Variants in IL1RAPL2 observed in about 807,000 individuals in gnomAD.
The protein encoded by IL1RAPL2 is X-linked interleukin-1 receptor accessory protein-like 2.
Under a neutral mutation model 44.1 loss-of-function variants are expected in IL1RAPL2, and 3 were observed. That is an observed-to-expected ratio of 0.07 (90% CI 0.03 to 0.18). The LOEUF (loss-of-function observed/expected upper bound fraction) is 0.18, where lower values mean the gene tolerates loss of function less well. Ranked by LOEUF, IL1RAPL2 falls within the 10% of genes least tolerant of loss-of-function variation. The probability of loss-of-function intolerance (pLI) is 1.00; values close to 1 mark genes in which losing one functional copy is unlikely to be tolerated. For missense variants in IL1RAPL2, 391 were observed against 496.4 expected (o/e 0.79, Z 2.02); for synonymous variants, 181 against 178.8 (o/e 1.01, Z -0.10).
At position 104,664,065 on chromosome X, in the gene IL1RAPL2, T is replaced by A. The variant is rs1247645787; in HGVS notation, c.82+5070T>A. Reference sequence around the variant, plus strand: ...ATAATGGTTTTAGGGTTAGGGAGGGTGGAGTGTAGGTCCTGTTCTCTGGAA... The same window carrying A: ...ATAATGGTTTTAGGGTTAGGGAGGGAGGAGTGTAGGTCCTGTTCTCTGGAA... On this transcript the variant is annotated intron_variant, in intron 2 of 10. Transcript: ENST00000372582. Among the ~76,000 whole-genome samples the A allele has an allele frequency of 1.2e-4, 13 of 110,445 alleles. No homozygotes were observed. The Admixed American group carries it at 1.3e-3, about 11-fold the overall frequency.
intron 2 of IL1RAPL2, among the ~76,000 whole-genome samples, chrX:104,765,143 T>G (rs915916955): frequency 4.5e-5 from 5 of 112,023 alleles, no homozygotes; most frequent in Non-Finnish European, 9.4e-5. Flanking sequence ...CTTTAAATGT[T>G]TGATAGAATT....
In IL1RAPL2 at chrX:105,435,895, T is replaced by C. The variant is rs1602411109; in HGVS notation, c.698-48418T>C. On this transcript the variant is annotated intron_variant, in intron 5 of 10. Transcript: ENST00000372582. ...CAACACATACCGGGGCCTGTCAGAG[T>C]GGGGGCAAGGGCAGAGAGAGCATCA... Among the ~76,000 whole-genome samples, 3 of 109,453 alleles carry C rather than the reference T, an allele frequency of 2.7e-5. No individual in the cohort carries two copies. In the Admixed American group the frequency reaches 2.9e-4, roughly 11 times the overall value.
intron 1 of IL1RAPL2, among the ~76,000 whole-genome samples, chrX:104,602,033 A>T (rs1928893216): frequency 8.9e-6 from 1 of 112,082 alleles, no homozygotes; most frequent in Non-Finnish European, 1.9e-5. Flanking sequence ...TGTGGTAGGG[A>T]TTTCCTGGCA....
intron 2 of IL1RAPL2, among the ~76,000 whole-genome samples, chrX:105,032,514 C>A (rs140476268): frequency 0.015 from 1,639 of 111,618 alleles, 27 homozygotes; most frequent in African/African-American, 0.05. Context: ...AGGTTGTTCA[C>A]TTTCCATGTA....
intron 1 of IL1RAPL2, among the ~76,000 whole-genome samples, chrX:104,643,931 C>T (rs975693636): frequency 9.0e-6 from 1 of 111,208 alleles, no homozygotes. Flanking sequence ...GAGGTTGGTC[C>T]ACTTCTTAAA....
chrX:105,001,601 C>T (rs1339286924), intron 2 of IL1RAPL2, among the ~76,000 whole-genome samples: 2 of 111,537 alleles, frequency 1.8e-5, no homozygotes, highest in Admixed American at 1.9e-4. Context: ...GAAGATGAAA[C>T]AGTTAAAGCT....
intron 2 of IL1RAPL2, among the ~76,000 whole-genome samples, chrX:104,855,698 T>A (rs556386515): frequency 2.0e-5 from 2 of 100,077 alleles, no homozygotes; most frequent in Admixed American, 1.1e-4. Context: ...TTTTTTTTTT[T>A]ACTGTATCTC....
chrX:104,633,429 C>T (rs2148012817), intron 1 of IL1RAPL2, among the ~76,000 whole-genome samples: 2 of 111,752 alleles, frequency 1.8e-5, no homozygotes, highest in South Asian at 7.5e-4. Context: ...CCAGCTCCTC[C>T]TTGTCCCTCT....
intron 6 of IL1RAPL2, among the ~76,000 whole-genome samples, chrX:105,684,478 G>A (rs1378809360): frequency 8.9e-6 from 1 of 112,594 alleles, no homozygotes; most frequent in Admixed American, 9.4e-5. Context: ...CTGGCTCGGG[G>A]AGGGGCGTCT....
At chrX:105,191,622 A>G (rs782553292) in intron 2 of IL1RAPL2, among the ~76,000 whole-genome samples, 3 of 112,320 alleles carry the variant, frequency 2.7e-5, no homozygotes, top group Admixed American at 9.5e-5. Flanking sequence ...AAAACCTGCA[A>G]TTGTTCTTTT....
At chrX:105,675,087 T>C (rs968633893) in intron 6 of IL1RAPL2, among the ~76,000 whole-genome samples, 1 of 110,833 alleles carries the variant, frequency 9.0e-6, no homozygotes, top group Non-Finnish European at 1.9e-5. Flanking sequence ...TTTCTAGATA[T>C]AGGATCATGT....
intron 1 of IL1RAPL2, among the ~76,000 whole-genome samples, chrX:104,631,736 T>C (rs1324276115): frequency 1.8e-5 from 2 of 112,096 alleles, no homozygotes; most frequent in Non-Finnish European, 3.8e-5. Flanking sequence ...ATTCTGGATA[T>C]TCTGACCCTT....
At chrX:104,983,255 A>G (rs768956190) in intron 2 of IL1RAPL2, among the ~76,000 whole-genome samples, 64 of 107,582 alleles carry the variant, frequency 5.9e-4, no homozygotes, top group East Asian at 8.6e-4. Flanking sequence ...TGAGTGGTCA[A>G]TGTCATAACA....
Position 104,777,071 on chromosome X carries a change from T to C in IL1RAPL2, c.82+118076T>C, listed in dbSNP as rs750682214. ...AATACACATAACATAAAATGTACCA[T>C]CTTAACTGTTTTTAAGGATACAGTT... On this transcript the variant is annotated intron_variant, in intron 2 of 10. Coordinates refer to ENST00000372582, the MANE Select transcript of IL1RAPL2 (RefSeq NM_017416.2). 3.6e-5 allele frequency among the ~76,000 whole-genome samples: 4 copies of C among 111,493 alleles called. No individual in the cohort carries two copies. The East Asian group carries it at 1.1e-3, about 32-fold the overall frequency.
intron 2 of IL1RAPL2, among the ~76,000 whole-genome samples, chrX:105,171,211 G>A (rs774610571): frequency 7.2e-5 from 8 of 111,525 alleles, no homozygotes; most frequent in African/African-American, 2.3e-4. Context: ...GATCCTGGGA[G>A]TTGTGGCATC....
intron 2 of IL1RAPL2, among the ~76,000 whole-genome samples, chrX:104,695,439 C>T (rs1255271861): frequency 2.7e-5 from 3 of 110,609 alleles, no homozygotes; most frequent in Admixed American, 9.6e-5. Context: ...TCTACCATAA[C>T]AGGAATATGT....
chrX:104,819,584 T>G, intron 2 of IL1RAPL2, among the ~76,000 whole-genome samples: 1 of 111,969 alleles, frequency 8.9e-6, no homozygotes, highest in South Asian at 3.8e-4. Context: ...AAGAAATGAC[T>G]CTAAGAAATG....
In IL1RAPL2 at chrX:104,747,657, C is replaced by T. The variant is rs192568484; in HGVS notation, c.82+88662C>T. 9.4e-4 allele frequency among the ~76,000 whole-genome samples: 104 copies of T among 110,738 alleles called. 1 individual carries two copies. The highest frequency in any genetic ancestry group is 1.6e-3 in the Non-Finnish European group (85 of 52,772). Reference sequence around the variant, plus strand: ...AGCTGTGGTCTAAAGTTTGAGTAGTCGTTAACCAGGCTATGGGGTAGAGCC... The same window carrying T: ...AGCTGTGGTCTAAAGTTTGAGTAGTTGTTAACCAGGCTATGGGGTAGAGCC... On this transcript the variant is annotated intron_variant, in intron 2 of 10. Transcript: ENST00000372582.
chrX:105,684,969 G>T lies in IL1RAPL2; in HGVS notation c.773-32398G>T, dbSNP rs1404120566. On this transcript the variant is annotated intron_variant, in intron 6 of 10. Transcript: ENST00000372582. ...AGACCTGCAGCTGAGGGACCTGACT[G>T]TTAGAAGGAAAACTAACAAACAGAA... 4.5e-5 allele frequency among the ~76,000 whole-genome samples: 5 copies of T among 112,083 alleles called. No homozygotes were observed. The East Asian group carries it at 1.4e-3, about 32-fold the overall frequency.
Sources: allele counts gnomAD v4.1 joint callset (sites outside exome capture counted in the v4.1 genomes callset), GRCh38; gene constraint gnomAD v4.1.1; transcripts MANE v1.5; gene names NCBI Gene and HGNC (gene_info 2026-07-23, HGNC 2026-07-21).